The following RBFOX1 variants were observed in gnomAD, a reference collection of about 807,000 sequenced individuals.
The protein encoded by RBFOX1 is RNA binding protein fox-1 homolog 1.
Under a neutral mutation model 57.7 loss-of-function variants are expected in RBFOX1, and 8 were observed. The observed-to-expected ratio is 0.14, with a 90% CI of 0.08 to 0.25. RBFOX1 has a LOEUF of 0.25. Ranked by LOEUF, RBFOX1 falls within the 10% of genes least tolerant of loss-of-function variation. The probability of loss-of-function intolerance (pLI) is 1.00; values close to 1 mark genes in which losing one functional copy is unlikely to be tolerated. For synonymous variants in RBFOX1, 326 were observed against 222.4 expected (o/e 1.47, Z -4.15); for missense variants, 611 against 548.5 (o/e 1.11, Z -1.14).
intron 2 of RBFOX1, among the ~76,000 whole-genome samples, chr16:6,364,070 A>G (rs1220685306): frequency 5.9e-5 from 9 of 152,228 alleles, no homozygotes. Context: ...GCACAAAGCC[A>G]TTGGAAGGGG....
intron 4 of RBFOX1, among the ~76,000 whole-genome samples, chr16:7,244,920 G>A (rs1385623557): frequency 6.6e-6 from 1 of 152,146 alleles, no homozygotes; most frequent in Admixed American, 6.5e-5. Flanking sequence ...TTGGTAATTG[G>A]TGTTTCATGT....
intron 1 of RBFOX1, among the ~76,000 whole-genome samples, chr16:6,305,336 G>C (rs2079365541): frequency 6.6e-6 from 1 of 152,172 alleles, no homozygotes; most frequent in Admixed American, 6.5e-5. Flanking sequence ...CAGGGCATAG[G>C]GATGTCAGTG....
intron 2 of RBFOX1, among the ~76,000 whole-genome samples, chr16:6,341,366 C>T (rs956488497): frequency 9.2e-5 from 14 of 152,066 alleles, no homozygotes; most frequent in African/African-American, 3.1e-4. Context: ...CGTTCTTCTC[C>T]ATCTTGTATA....
At chr16:6,843,646 G>A (rs770915707) in intron 3 of RBFOX1, among the ~76,000 whole-genome samples, 11 of 152,118 alleles carry the variant, frequency 7.2e-5, no homozygotes, top group Non-Finnish European at 1.3e-4. Flanking sequence ...CCGACATCGC[G>A]CCACCGCACT....
chr16:7,261,931 G>A (rs897711675), intron 4 of RBFOX1, among the ~76,000 whole-genome samples: 7 of 152,178 alleles, frequency 4.6e-5, no homozygotes, highest in African/African-American at 1.7e-4. Flanking sequence ...TAGAGCCTTT[G>A]CAAGTCACTA....
At chr16:6,831,584 CAAA>C (rs1203235737) in intron 3 of RBFOX1, among the ~76,000 whole-genome samples, 7 of 152,100 alleles carry the variant, frequency 4.6e-5, no homozygotes, top group Admixed American at 3.3e-4. Context: ...TTGAGTAACT[CAAA>C]AATATTTTCA....
intron 3 of RBFOX1, among the ~76,000 whole-genome samples, chr16:5,833,706 C>G (rs1431082802): frequency 6.6e-6 from 1 of 152,104 alleles, no homozygotes; most frequent in East Asian, 1.9e-4. Flanking sequence ...TGAAATGTCT[C>G]ATGTTGGCAC....
At chr16:6,212,632 G>T (rs536044756) in intron 1 of RBFOX1, among the ~76,000 whole-genome samples, 3 of 152,090 alleles carry the variant, frequency 2.0e-5, no homozygotes, top group Non-Finnish European at 2.9e-5. Context: ...GCGTGAACCC[G>T]GGAGGTGGAG....
At chr16:5,527,606 A>G (rs2044296329) in intron 2 of RBFOX1, among the ~76,000 whole-genome samples, 1 of 152,294 alleles carries the variant, frequency 6.6e-6, no homozygotes, top group Non-Finnish European at 1.5e-5. Context: ...TAACATGTAC[A>G]TTATTACCCT....
chr16:6,881,679 G>A (rs1265993270), intron 3 of RBFOX1, among the ~76,000 whole-genome samples: 1 of 152,166 alleles, frequency 6.6e-6, no homozygotes, highest in Non-Finnish European at 1.5e-5. Flanking sequence ...GATGTTGGCA[G>A]TTAAGACTTC....
At chr16:6,920,611 T>C (rs1015058288) in intron 3 of RBFOX1, among the ~76,000 whole-genome samples, 2 of 152,194 alleles carry the variant, frequency 1.3e-5, no homozygotes, top group African/African-American at 2.4e-5. Flanking sequence ...AATCAAGATG[T>C]GGAGATATTA....
intron 1 of RBFOX1, among the ~76,000 whole-genome samples, chr16:6,275,708 G>A (rs931963790): frequency 2.6e-5 from 4 of 152,046 alleles, no homozygotes; most frequent in African/African-American, 9.7e-5. Context: ...CACTACTTTG[G>A]AGGAATTAAC....
At chr16:5,252,205 T>C (rs558042714) in intron 1 of RBFOX1, among the ~76,000 whole-genome samples, 1 of 152,300 alleles carries the variant, frequency 6.6e-6, no homozygotes, top group South Asian at 2.1e-4. Context: ...GGCATATGGG[T>C]TTGTGCACAT....
intron 2 of RBFOX1, among the ~76,000 whole-genome samples, chr16:6,333,998 G>A (rs2083342604): frequency 6.6e-6 from 1 of 152,092 alleles, no homozygotes; most frequent in Admixed American, 6.5e-5. Flanking sequence ...GGTGGGGGTA[G>A]GGGGGAGCAG....
chr16:6,810,525 C>A (rs1339606665), intron 3 of RBFOX1, among the ~76,000 whole-genome samples: 1 of 152,052 alleles, frequency 6.6e-6, no homozygotes, highest in East Asian at 1.9e-4. Flanking sequence ...TATGCCCCTC[C>A]AAAAACCTCT....
chr16:6,569,809 G>A (rs1192666995), intron 2 of RBFOX1, among the ~76,000 whole-genome samples: 4 of 152,250 alleles, frequency 2.6e-5, no homozygotes, highest in African/African-American at 4.8e-5. Context: ...CGGCTGTTTC[G>A]TTAAGTTCTC....
rs535019059 is a variant in RBFOX1, at chr16:7,451,854, G to A, written c.28-66293G>A. ...TCCCTAATCTAATTTATCTCAGTGGGGTTTGTGGGGGTTCATTTAAGCAGC... is the reference window on the plus strand; with the variant it reads ...TCCCTAATCTAATTTATCTCAGTGGAGTTTGTGGGGGTTCATTTAAGCAGC... On this transcript the variant is annotated intron_variant, in intron 4 of 15. Coordinates refer to ENST00000550418, the MANE Select transcript of RBFOX1 (RefSeq NM_018723.4). Among the ~76,000 whole-genome samples the A allele has an allele frequency of 8.5e-5, 13 of 152,204 alleles. No homozygotes were observed. The South Asian group carries it at 2.3e-3, about 27-fold the overall frequency.
chr16:5,375,507 G>A (rs189714426), intron 1 of RBFOX1, among the ~76,000 whole-genome samples: 1 of 152,304 alleles, frequency 6.6e-6, no homozygotes, highest in Admixed American at 6.5e-5. Context: ...GGGCCAGGGG[G>A]CAGGGGAGGG....
intron 3 of RBFOX1, among the ~76,000 whole-genome samples, chr16:7,028,609 CAAAAAAA>C (rs869138217): frequency 4.4e-5 from 2 of 45,428 alleles, no homozygotes; most frequent in African/African-American, 8.5e-5. Context: ...CACACACACA[CAAAAAAA>C]AAAAAAAAAA....
Sources: gnomAD v4.1 joint callset for allele counts (sites outside exome capture counted in the v4.1 genomes callset) on GRCh38, gnomAD v4.1.1 for gene constraint, MANE v1.5 for transcripts, NCBI Gene and HGNC (gene_info 2026-07-23, HGNC 2026-07-21) for gene names.